The following HESX1 variants were observed in gnomAD, a reference collection of about 807,000 sequenced individuals.
The protein encoded by HESX1 is homeobox expressed in ES cells 1.
In HESX1, 11 loss-of-function variants were observed where a neutral mutation model predicts 22.5. The ratio of observed to expected loss-of-function variants is 0.49; its 90% CI spans 0.31 to 0.81. The LOEUF (loss-of-function observed/expected upper bound fraction) is 0.81. HESX1 is among the 30% of genes least tolerant of loss of function. HESX1 has a pLI of 0.05. For missense variants in HESX1, 201 were observed against 212.6 expected, an observed-to-expected ratio of 0.95 and a Z score of 0.34; for synonymous variants, 74 against 76.5, an observed-to-expected ratio of 0.97 and a Z score of 0.17.
chr3:57,203,193 T>C (rs11710045), upstream of HESX1, among the ~76,000 whole-genome samples: 41,074 of 152,036 alleles, frequency 0.27, 6,669 homozygotes, highest in Middle Eastern at 0.39. Context: ...GGGAGATCAG[T>C]TGGGGAGTTA....
chr3:57,201,850 T>C (rs1278140079), upstream of HESX1, among the ~76,000 whole-genome samples: 1 of 150,894 alleles, frequency 6.6e-6, no homozygotes, highest in Non-Finnish European at 1.5e-5. Context: ...TTTCCTTGGA[T>C]TTACATATCT....
At chr3:57,207,705 AC>A (rs1274362790) in intron 1 of HESX1, among the ~76,000 whole-genome samples, 1 of 152,238 alleles carries the variant, frequency 6.6e-6, no homozygotes, top group East Asian at 1.9e-4. Context: ...AGTTTAAAGA[AC>A]TAAAAGTTAG....
intron 1 of HESX1, among the ~76,000 whole-genome samples, chr3:57,212,277 T>C (rs2060558827): frequency 1.3e-5 from 2 of 152,122 alleles, no homozygotes; most frequent in South Asian, 4.1e-4. Flanking sequence ...ATTCATTCTA[T>C]AGGCTGGGCG....
intron 1 of HESX1, among the ~76,000 whole-genome samples, chr3:57,210,753 ATTGT>A (rs1325701801): frequency 1.3e-5 from 2 of 152,154 alleles, no homozygotes; most frequent in Non-Finnish European, 2.9e-5. Context: ...AGTATTGTTT[ATTGT>A]TTAAGTTTAC....
At chr3:57,215,992 C>T (rs1339324934) in intron 1 of HESX1, among the ~76,000 whole-genome samples, 2 of 152,178 alleles carry the variant, frequency 1.3e-5, no homozygotes, top group Non-Finnish European at 2.9e-5. Flanking sequence ...TAGTTGCTGA[C>T]ATGATGCCCC....
At chr3:57,222,738 C>A (rs1011375332) in intron 1 of HESX1, among the ~76,000 whole-genome samples, 7 of 152,136 alleles carry the variant, frequency 4.6e-5, no homozygotes, top group African/African-American at 1.7e-4. Context: ...ATAATCTTGG[C>A]TATTTTGGTA....
At chr3:57,206,723 T>G (rs561582597) in intron 1 of HESX1, among the ~76,000 whole-genome samples, 1 of 152,322 alleles carries the variant, frequency 6.6e-6, no homozygotes, top group South Asian at 2.1e-4. Flanking sequence ...AAGACTCCTC[T>G]TGGTTCCTAG....
rs1311754611 is a variant in HESX1 at position 57,213,477 on chromosome 3, T to C, written c.-111+12819A>G. On this transcript the variant is annotated intron_variant, in intron 1 of 2. Transcript: ENST00000495160. Reference sequence around the variant, plus strand: ...TCAGACTCAACATTCAAAGATAAAATGGTTTTGGATTTAAGGCCCCAAAGG... The same window carrying C: ...TCAGACTCAACATTCAAAGATAAAACGGTTTTGGATTTAAGGCCCCAAAGG... Among the ~76,000 whole-genome samples, 3 of 152,190 alleles carry C rather than the reference T, an allele frequency of 2.0e-5. No homozygotes were observed. In the East Asian group the frequency reaches 5.8e-4, roughly 29 times the overall value.
upstream of HESX1, among the ~76,000 whole-genome samples, chr3:57,201,604 T>C (rs929481113): frequency 4.0e-5 from 6 of 149,474 alleles, 1 homozygote; most frequent in South Asian, 1.1e-3. Context: ...TTATCTAGTA[T>C]GTTAGCCAGG....
intron 1 of HESX1, among the ~76,000 whole-genome samples, chr3:57,216,233 G>C (rs528660665): frequency 6.6e-6 from 1 of 152,338 alleles, no homozygotes; most frequent in East Asian, 1.9e-4. Flanking sequence ...ATCAGCAACA[G>C]ATCCTCAGTA....
At chr3:57,223,752 C>G (rs1210841170) in intron 1 of HESX1, among the ~76,000 whole-genome samples, 2 of 152,128 alleles carry the variant, frequency 1.3e-5, no homozygotes, top group Admixed American at 6.5e-5. Context: ...AATGAATTAT[C>G]TGTTAAAGTT....
At chr3:57,208,450 G>T (rs2060532562) in intron 1 of HESX1, among the ~76,000 whole-genome samples, 2 of 151,854 alleles carry the variant, frequency 1.3e-5, no homozygotes, top group Admixed American at 1.3e-4. Context: ...GGGTTCAAGC[G>T]ATTCTCCTGC....
intron 1 of HESX1, among the ~76,000 whole-genome samples, chr3:57,211,850 A>T (rs2060556308): frequency 6.6e-6 from 1 of 151,942 alleles, no homozygotes; most frequent in Non-Finnish European, 1.5e-5. Context: ...AAAAAATCCA[A>T]GTTTAAAATC....
At chr3:57,215,391 C>A (rs2060577286) in intron 1 of HESX1, among the ~76,000 whole-genome samples, 1 of 152,084 alleles carries the variant, frequency 6.6e-6, no homozygotes, top group South Asian at 2.1e-4. Flanking sequence ...ACTTTGAGTG[C>A]CCAGAGGTCT....
upstream of HESX1, among the ~76,000 whole-genome samples, chr3:57,204,362 G>A (rs1308188387): frequency 6.6e-6 from 1 of 152,114 alleles, no homozygotes; most frequent in African/African-American, 2.4e-5. Context: ...CATTTTAGAG[G>A]AAATACCTAT....
chr3:57,199,517 G>A (rs1218078481), intron 1 of HESX1, among the ~76,000 whole-genome samples: 1 of 151,982 alleles, frequency 6.6e-6, no homozygotes, highest in Non-Finnish European at 1.5e-5. Context: ...TACTTGGCAG[G>A]CTGAGGCAGG....
intron 1 of HESX1, among the ~76,000 whole-genome samples, chr3:57,211,134 C>T (rs1409197394): frequency 6.7e-6 from 1 of 150,028 alleles, no homozygotes; most frequent in Non-Finnish European, 1.5e-5. Flanking sequence ...AGGCGAATCG[C>T]TTGAACCCGG....
intron 1 of HESX1, among the ~76,000 whole-genome samples, chr3:57,205,926 C>G (rs2060517437): frequency 1.3e-5 from 2 of 152,134 alleles, no homozygotes; most frequent in South Asian, 4.1e-4. Context: ...CGCAGTGGCT[C>G]ACACTTGTAA....
At position 57,212,039 on chromosome 3, in the gene HESX1, C is replaced by A. The variant is rs1224382680; in HGVS notation, c.-110-12011G>T. On this transcript the variant is annotated intron_variant, in intron 1 of 2. Coordinates refer to the HESX1 transcript ENST00000495160. ...CCCCTGCACCCAGCACAGTGCCTGT[C>A]ACATAGGAAATGTTAAGTAAGTTTA... Among the ~76,000 whole-genome samples, 12 of 152,098 alleles carry A rather than the reference C, an allele frequency of 7.9e-5. No individual in the cohort carries two copies. In the East Asian group the frequency reaches 2.3e-3, roughly 29 times the overall value.
Sources: allele counts gnomAD v4.1 joint callset (sites outside exome capture counted in the v4.1 genomes callset), GRCh38; gene constraint gnomAD v4.1.1; transcripts MANE v1.5; gene names NCBI Gene and HGNC (gene_info 2026-07-23, HGNC 2026-07-21).